Variants in KCNH7 observed in about 807,000 individuals in gnomAD.
The protein encoded by KCNH7 is voltage-gated inwardly rectifying potassium channel KCNH7.
A neutral mutation model predicts 120.8 loss-of-function variants in KCNH7; 49 were observed. That is an observed-to-expected ratio of 0.41 (90% CI 0.32 to 0.51). The LOEUF is 0.51. Ranked by LOEUF, KCNH7 falls within the 20% of genes least tolerant of loss-of-function variation. The pLI, the probability that KCNH7 is intolerant of heterozygous loss-of-function variation, is 0.38. For missense variants in KCNH7, 1,097 were observed against 1,446.6 expected (o/e 0.76, Z 3.92); for synonymous variants, 547 against 516.1 (o/e 1.06, Z -0.81).
chr2:162,616,472 C>T (rs1356270956), intron 2 of KCNH7, among the ~76,000 whole-genome samples: 1 of 152,148 alleles, frequency 6.6e-6, no homozygotes, highest in Non-Finnish European at 1.5e-5. Context: ...ACTAGTTGTT[C>T]GTCTTTGGCC....
intron 9 of KCNH7, among the ~76,000 whole-genome samples, chr2:162,419,144 CT>C (rs1451777695): frequency 6.6e-6 from 1 of 151,532 alleles, no homozygotes; most frequent in Non-Finnish European, 1.5e-5. Context: ...CTTTTCTTTC[CT>C]GCCTGTCTTT....
intron 9 of KCNH7, among the ~76,000 whole-genome samples, chr2:162,401,222 A>G (rs1687056116): frequency 6.6e-6 from 1 of 151,970 alleles, no homozygotes; most frequent in Non-Finnish European, 1.5e-5. Flanking sequence ...CTCAATCTGA[A>G]CTGAATAAAA....
rs60854157 is a variant in KCNH7 at position 162,429,383 on chromosome 2, C to CTTTTTTTTTTTTTTT, written c.1954+5800_1954+5814dup. On this transcript the variant is annotated intron_variant, in intron 8 of 15. Coordinates refer to ENST00000332142, the MANE Select transcript of KCNH7 (RefSeq NM_033272.4). ...AGACATTTAGAAATGAGGAAAAAGT[C>CTTTTTTTTTTTTTTT]TTTTTTTTTTTTTTTTTTTTTTACT... Among the ~76,000 whole-genome samples the CTTTTTTTTTTTTTTT allele has an allele frequency of 2.0e-3, 174 of 86,226 alleles. 20 individuals carry two copies. Among genetic ancestry groups the CTTTTTTTTTTTTTTT allele is most frequent in the African/African-American group, 0.01 (161 of 15,968 alleles). The allele number at this position is 86,226 out of a possible 152,430, so 56.6% of individuals were successfully genotyped here.
At chr2:162,584,325 G>A (rs1056420260) in intron 2 of KCNH7, among the ~76,000 whole-genome samples, 5 of 151,862 alleles carry the variant, frequency 3.3e-5, no homozygotes, top group African/African-American at 4.8e-5. Flanking sequence ...ATTTTTATTC[G>A]CAGTTTCAAT....
At chr2:162,429,593 T>C (rs77868907) in intron 8 of KCNH7, among the ~76,000 whole-genome samples, 4,810 of 151,634 alleles carry the variant, frequency 0.032, 270 homozygotes, top group African/African-American at 0.11. Flanking sequence ...AGAGATTTTG[T>C]TTTTCTTTCA....
intron 2 of KCNH7, among the ~76,000 whole-genome samples, chr2:162,605,058 T>C (rs898614728): frequency 6.6e-6 from 1 of 152,136 alleles, no homozygotes; most frequent in South Asian, 2.1e-4. Context: ...GTCAATGAGA[T>C]TATAAATTAT....
At chr2:162,612,451 C>T (rs1683000487) in intron 2 of KCNH7, among the ~76,000 whole-genome samples, 1 of 151,960 alleles carries the variant, frequency 6.6e-6, no homozygotes, top group African/African-American at 2.4e-5. Context: ...AAGGATTAGC[C>T]TATATTCATA....
chr2:162,797,778 A>G (rs1199094968), intron 2 of KCNH7: 1 of 152,074 alleles, frequency 6.6e-6, no homozygotes, highest in Non-Finnish European at 1.5e-5. Flanking sequence ...TGCCCTAGTC[A>G]GGCGTGACTA....
At chr2:162,820,918 TA>T (rs1685097359) in intron 2 of KCNH7, among the ~76,000 whole-genome samples, 3 of 108,456 alleles carry the variant, frequency 2.8e-5, no homozygotes, top group South Asian at 4.6e-4. Context: ...ATTAATTCAT[TA>T]TTTTTTATTG....
At chr2:162,772,326 T>C (rs1683086534) in intron 2 of KCNH7, among the ~76,000 whole-genome samples, 1 of 152,204 alleles carries the variant, frequency 6.6e-6, no homozygotes, top group Non-Finnish European at 1.5e-5. Context: ...TGATTACTCA[T>C]TAAGGAATTT....
At chr2:162,605,128 A>G (rs1682696225) in intron 2 of KCNH7, among the ~76,000 whole-genome samples, 1 of 152,086 alleles carries the variant, frequency 6.6e-6, no homozygotes, top group Non-Finnish European at 1.5e-5. Flanking sequence ...CTACTCTTAC[A>G]TTAACCTGAA....
intron 2 of KCNH7, among the ~76,000 whole-genome samples, chr2:162,579,874 C>A (rs750576015): frequency 7.2e-5 from 11 of 151,874 alleles, no homozygotes; most frequent in Non-Finnish European, 1.3e-4. Flanking sequence ...TACGTAGAAG[C>A]AATGATTTCT....
At chr2:162,611,968 G>A (rs972859735) in intron 2 of KCNH7, among the ~76,000 whole-genome samples, 1 of 152,324 alleles carries the variant, frequency 6.6e-6, no homozygotes, top group African/African-American at 2.4e-5. Context: ...AAGGACAGAT[G>A]TTTGGAATAG....
intron 2 of KCNH7, among the ~76,000 whole-genome samples, chr2:162,559,953 T>C (rs1367885790): frequency 2.6e-5 from 4 of 152,218 alleles, no homozygotes; most frequent in African/African-American, 9.6e-5. Flanking sequence ...GAACATGTTC[T>C]CATTTTTAGA....
chr2:162,704,832 G>GT (rs1337575768), intron 2 of KCNH7, among the ~76,000 whole-genome samples: 1 of 152,134 alleles, frequency 6.6e-6, no homozygotes, highest in African/African-American at 2.4e-5. Context: ...CTACATGAAT[G>GT]TTTTTTCCCT....
chr2:162,534,962 A>T (rs532655372), intron 3 of KCNH7, among the ~76,000 whole-genome samples: 1 of 151,928 alleles, frequency 6.6e-6, no homozygotes, highest in East Asian at 1.9e-4. Flanking sequence ...TAATAACTTC[A>T]TTTATAAAAT....
At chr2:162,797,928 C>T (rs887920202) in intron 2 of KCNH7, 2 of 152,086 alleles carry the variant, frequency 1.3e-5, no homozygotes, top group Admixed American at 1.3e-4. Flanking sequence ...TGTGCGTATG[C>T]TTATAGTGGC....
At chr2:162,562,720 A>G (rs1693117394) in intron 2 of KCNH7, among the ~76,000 whole-genome samples, 1 of 152,182 alleles carries the variant, frequency 6.6e-6, no homozygotes, top group African/African-American at 2.4e-5. Context: ...TTGCCAGTCA[A>G]TAAAGCGATG....
At chr2:162,443,987 T>TG (rs1406850551) in intron 7 of KCNH7, among the ~76,000 whole-genome samples, 2 of 152,226 alleles carry the variant, frequency 1.3e-5, no homozygotes, top group African/African-American at 2.4e-5. Flanking sequence ...GGTGGTCTCA[T>TG]GTGGATGGTT....
Sources: gnomAD v4.1 joint callset for allele counts (sites outside exome capture counted in the v4.1 genomes callset) on GRCh38, gnomAD v4.1.1 for gene constraint, MANE v1.5 for transcripts, NCBI Gene and HGNC (gene_info 2026-07-23, HGNC 2026-07-21) for gene names.